The following BLTP2 variants were observed in gnomAD, a reference collection of about 807,000 sequenced individuals.
The protein encoded by BLTP2 is U937-associated antigen.
At chr17:28,638,312 T>A in the BLTP2 span, 1 of 1,613,606 alleles carries the variant, frequency 6.2e-7, no homozygotes, top group Non-Finnish European at 8.5e-7. Flanking sequence ...TGGGTGGGTG[T>A]GGCGCCCGCT....
the BLTP2 span, among the ~76,000 whole-genome samples, chr17:28,625,141 T>C: frequency 1.4e-4 from 22 of 151,940 alleles, no homozygotes; most frequent in Non-Finnish European, 3.1e-4. Flanking sequence ...ATTGAGACCA[T>C]CCTGGCCAAC....
At chr17:28,635,351 C>T in the BLTP2 span, 3 of 1,614,234 alleles carry the variant, frequency 1.9e-6, no homozygotes, top group Admixed American at 1.7e-5. Context: ...AACTTGTCCT[C>T]AGCTACAAAA....
the BLTP2 span, chr17:28,642,909 T>G: frequency 1.2e-6 from 2 of 1,610,340 alleles, no homozygotes; most frequent in Non-Finnish European, 1.7e-6. Context: ...CTTCTACTGA[T>G]CTGAATATGC....
At chr17:28,615,169 C>G in the BLTP2 span, 4 of 1,614,140 alleles carry the variant, frequency 2.5e-6, no homozygotes, top group Non-Finnish European at 3.4e-6. Context: ...GTTGCATGTT[C>G]AGGTCCGATT....
chr17:28,619,902 G>A, the BLTP2 span: 9 of 1,614,012 alleles, frequency 5.6e-6, no homozygotes, highest in Non-Finnish European at 7.6e-6. Context: ...GTCGTATTTG[G>A]GCCACATGCT....
chr17:28,633,606 G>A, the BLTP2 span: 2 of 1,614,068 alleles, frequency 1.2e-6, no homozygotes, highest in South Asian at 1.1e-5. Context: ...AGTCTCCATG[G>A]AACAGAAGAC....
At chr17:28,634,690 CAAGT>C in the BLTP2 span, 2 of 1,614,178 alleles carry the variant, frequency 1.2e-6, no homozygotes, top group Non-Finnish European at 1.7e-6. Flanking sequence ...TGCTAAGCTC[CAAGT>C]AAGCAGTGCC....
At chr17:28,627,194 G>T in the BLTP2 span, among the ~76,000 whole-genome samples, 1 of 152,114 alleles carries the variant, frequency 6.6e-6, no homozygotes, top group Non-Finnish European at 1.5e-5. Context: ...AAACACTTTT[G>T]AGTTTGGGTT....
At chr17:28,644,248 T>C in the BLTP2 span, 3 of 1,570,162 alleles carry the variant, frequency 1.9e-6, no homozygotes, top group African/African-American at 1.4e-5. Flanking sequence ...CCCTCACCCC[T>C]TGCTGGTCTT....
chr17:28,635,128 G>C, the BLTP2 span: 4 of 1,613,986 alleles, frequency 2.5e-6, no homozygotes, highest in Non-Finnish European at 3.4e-6. Flanking sequence ...TGAGCCGAAA[G>C]AGAGGAGCCA....
At chr17:28,637,525 G>C in the BLTP2 span, among the ~76,000 whole-genome samples, 4 of 152,128 alleles carry the variant, frequency 2.6e-5, no homozygotes, top group Non-Finnish European at 5.9e-5. Flanking sequence ...ATACCAAGAA[G>C]TCTAATATTT....
chr17:28,631,374 G>T, the BLTP2 span: 1 of 1,052,298 alleles, frequency 9.5e-7, no homozygotes, highest in African/African-American at 1.6e-5. Context: ...ATAAATTTTT[G>T]TTGTATAAAC....
At chr17:28,637,014 C>T in the BLTP2 span, 1 of 1,614,188 alleles carries the variant, frequency 6.2e-7, no homozygotes, top group South Asian at 1.1e-5. Flanking sequence ...CATGGAAAGG[C>T]TGAGCACTGG....
At chr17:28,639,354 T>C in the BLTP2 span, 1 of 1,614,156 alleles carries the variant, frequency 6.2e-7, no homozygotes, top group Admixed American at 1.7e-5. Flanking sequence ...ACTAGACCCT[T>C]GGGTTTCCAG....
At chr17:28,643,923 T>C in the BLTP2 span, 1 of 1,197,106 alleles carries the variant, frequency 8.4e-7, no homozygotes, top group Non-Finnish European at 1.2e-6. Context: ...TCTAAGATCA[T>C]CTTGGCAAAG....
the BLTP2 span, among the ~76,000 whole-genome samples, chr17:28,626,369 T>A: frequency 6.6e-6 from 1 of 152,242 alleles, no homozygotes; most frequent in South Asian, 2.1e-4. Flanking sequence ...GTTTACTCTC[T>A]GTGATACTGT....
chr17:28,616,355 T>A, the BLTP2 span: 3 of 1,614,116 alleles, frequency 1.9e-6, no homozygotes, highest in Non-Finnish European at 2.5e-6. This position sits in a 1 kb window ranked among gnomAD's most constrained non-coding sequence, Gnocchi z 4.8. Context: ...CCCATTTTTC[T>A]ATCATCAGGG....
At chr17:28,624,264 C>T in the BLTP2 span, 2 of 1,614,156 alleles carry the variant, frequency 1.2e-6, no homozygotes, top group Non-Finnish European at 8.5e-7. Context: ...AAGGCAGTTT[C>T]GGTTGTATAT....
the BLTP2 span, chr17:28,639,754 G>A: frequency 5.7e-6 from 8 of 1,408,342 alleles, no homozygotes; most frequent in East Asian, 2.3e-5. Context: ...CAAAACTTGT[G>A]AGCTGGGGCT....
Sources: allele counts gnomAD v4.1 joint callset (sites outside exome capture counted in the v4.1 genomes callset), GRCh38; gene constraint gnomAD v4.1.1; non-coding constraint Gnocchi (gnomAD v3.1); transcripts MANE v1.5; gene names NCBI Gene and HGNC (gene_info 2026-07-23, HGNC 2026-07-21).